Variants in ERC2 observed in about 807,000 individuals in gnomAD.
ERC2 encodes the protein ERC protein 2.
In ERC2, 42 loss-of-function variants were observed where a neutral mutation model predicts 114.8. That is an observed-to-expected ratio of 0.37 (90% CI 0.29 to 0.47). The LOEUF is 0.47. Among genes scored for constraint, ERC2 ranks in the 20% least tolerant of loss-of-function variants. The pLI, the probability that ERC2 is intolerant of heterozygous loss-of-function variation, is 0.99. For missense variants in ERC2, 939 were observed against 1,150.7 expected (o/e 0.82, Z 2.66); for synonymous variants, 454 against 425.5 (o/e 1.07, Z -0.82).
chr3:55,846,615 C>T (rs1470189771), intron 14 of ERC2, among the ~76,000 whole-genome samples: 24 of 152,104 alleles, frequency 1.6e-4, no homozygotes, highest in Admixed American at 1.2e-3. Flanking sequence ...CTCCCACCAA[C>T]AGCGTATAAG....
chr3:56,077,959 G>GTGTTCCATATAAGCAA (rs565873968), intron 7 of ERC2, among the ~76,000 whole-genome samples: 217 of 152,214 alleles, frequency 1.4e-3, no homozygotes, highest in Non-Finnish European at 2.5e-3. Flanking sequence ...TCAGCATACA[G>GTGTTCCATATAAGCAA]TGTTCCATAT....
At chr3:56,097,629 C>T (rs2078135332) in intron 6 of ERC2, among the ~76,000 whole-genome samples, 1 of 152,134 alleles carries the variant, frequency 6.6e-6, no homozygotes, top group Admixed American at 6.5e-5. Flanking sequence ...CTTAACTGCT[C>T]AAAGAGTAAC....
intron 17 of ERC2, among the ~76,000 whole-genome samples, chr3:55,617,634 A>G (rs191772816): frequency 3.0e-4 from 46 of 152,316 alleles, no homozygotes; most frequent in African/African-American, 1.0e-3. Context: ...AGAGCAAAGA[A>G]GGAAAGACTT....
intron 13 of ERC2, 68 bp from the exon 14 acceptor site, chr3:55,888,617 C>A: frequency 6.4e-7 from 1 of 1,573,080 alleles, no homozygotes; most frequent in South Asian, 1.1e-5. Flanking sequence ...CCTTGTTAGC[C>A]TGTGTTCCAA....
chr3:55,953,002 G>A (rs1224784550), intron 12 of ERC2, among the ~76,000 whole-genome samples: 1 of 151,986 alleles, frequency 6.6e-6, no homozygotes, highest in Non-Finnish European at 1.5e-5. Context: ...GACCATCCTG[G>A]CTAACATGGT....
At chr3:55,573,140 T>G (rs1306571846) in intron 17 of ERC2, among the ~76,000 whole-genome samples, 1 of 152,214 alleles carries the variant, frequency 6.6e-6, no homozygotes, top group Non-Finnish European at 1.5e-5. Flanking sequence ...TGGTATGTTA[T>G]GGAATGACAG....
At chr3:55,809,011 T>G (rs1448290519) in intron 14 of ERC2, among the ~76,000 whole-genome samples, 4 of 151,804 alleles carry the variant, frequency 2.6e-5, no homozygotes, top group African/African-American at 4.8e-5. Flanking sequence ...CCTGGTCTGG[T>G]CAAATAGCAG....
intron 17 of ERC2, among the ~76,000 whole-genome samples, chr3:55,591,608 C>T (rs181750164): frequency 2.6e-5 from 4 of 151,562 alleles, no homozygotes; most frequent in East Asian, 1.9e-4. Flanking sequence ...TGTGCGCGCG[C>T]GTGTGGTTTT....
At chr3:56,215,395 A>G (rs1469738676) in intron 3 of ERC2, among the ~76,000 whole-genome samples, 2 of 152,218 alleles carry the variant, frequency 1.3e-5, no homozygotes, top group Non-Finnish European at 2.9e-5. Context: ...AGAGACAAAG[A>G]AGGCCATTAC....
intron 15 of ERC2, among the ~76,000 whole-genome samples, chr3:55,707,111 A>C (rs536617486): frequency 1.3e-5 from 2 of 152,246 alleles, no homozygotes; most frequent in African/African-American, 4.8e-5. Flanking sequence ...TTTCCTGCTA[A>C]AGTCAGGGGA....
chr3:56,139,848 C>G (rs763722140), intron 5 of ERC2, among the ~76,000 whole-genome samples, 172 bp from the exon 6 acceptor site: 3 of 152,138 alleles, frequency 2.0e-5, no homozygotes, highest in Non-Finnish European at 4.4e-5. Flanking sequence ...TCTTTGGGTT[C>G]TGGAGGAAAA....
Position 55,841,885 on chromosome 3 carries a change from T to C in ERC2, c.2564+46504A>G, listed in dbSNP as rs568888609. Among the ~76,000 whole-genome samples the C allele has an allele frequency of 3.3e-5, 5 of 152,282 alleles. 1 individual carries two copies. Among genetic ancestry groups the C allele is most frequent in the Middle Eastern group, 6.8e-3 (2 of 294 alleles). On this transcript the variant is annotated intron_variant, in intron 14 of 17. Transcript: ENST00000288221. ...AGAGCCCAACCTCTTAATTGCTTCA[T>C]TGTACTACATCTCGTCTTGAAAACA...
intron 5 of ERC2, among the ~76,000 whole-genome samples, chr3:56,143,769 C>T (rs541178703): frequency 6.6e-6 from 1 of 152,306 alleles, no homozygotes; most frequent in South Asian, 2.1e-4. Context: ...GAGGTTCTTT[C>T]TTACTCAAGA....
chr3:56,398,031 T>C (rs568810793), intron 2 of ERC2, among the ~76,000 whole-genome samples: 1 of 152,336 alleles, frequency 6.6e-6, no homozygotes, highest in Non-Finnish European at 1.5e-5. Context: ...ATGGGCATAC[T>C]TTGTCACAAA....
rs1191557262 is a variant in ERC2, at chr3:55,650,729, C to T, written c.*39+33065G>A. Among the ~76,000 whole-genome samples, 4 of 152,300 alleles carry T rather than the reference C, an allele frequency of 2.6e-5. No homozygotes were observed. The East Asian group carries it at 5.8e-4, about 22-fold the overall frequency. On this transcript the variant is annotated intron_variant, in intron 17 of 17. Coordinates refer to ENST00000288221, the MANE Select transcript of ERC2 (RefSeq NM_015576.3). Reference sequence around the variant, plus strand: ...AATTCTCTTCCAGAAAAAAAGCCTGCTTACCCCTTCAAAGTCCATGTCAAA... The same window carrying T: ...AATTCTCTTCCAGAAAAAAAGCCTGTTTACCCCTTCAAAGTCCATGTCAAA...
chr3:56,307,326 C>CTT (rs2056286545), intron 2 of ERC2, among the ~76,000 whole-genome samples: 2 of 152,164 alleles, frequency 1.3e-5, no homozygotes, highest in Admixed American at 1.3e-4. Flanking sequence ...TGAATCCTTG[C>CTT]GTCTTATCTC....
At chr3:55,950,176 GGTGA>G (rs1019350210) in intron 13 of ERC2, among the ~76,000 whole-genome samples, 1 of 152,172 alleles carries the variant, frequency 6.6e-6, no homozygotes, top group African/African-American at 2.4e-5. Context: ...TACCTTTTAA[GGTGA>G]GGTACAGGAA....
chr3:55,702,983 G>C (rs1050819988), intron 15 of ERC2, among the ~76,000 whole-genome samples: 2 of 152,148 alleles, frequency 1.3e-5, no homozygotes, highest in African/African-American at 4.8e-5. Flanking sequence ...AGACACCTTT[G>C]CCTTTGGCTA....
intron 15 of ERC2, among the ~76,000 whole-genome samples, chr3:55,734,515 T>C (rs561130784): frequency 6.6e-6 from 1 of 152,166 alleles, no homozygotes; most frequent in Non-Finnish European, 1.5e-5. Context: ...GAGCTATTTC[T>C]GGGGAGATGA....
Sources: allele counts gnomAD v4.1 joint callset (sites outside exome capture counted in the v4.1 genomes callset), GRCh38; gene constraint gnomAD v4.1.1; transcripts MANE v1.5; gene names NCBI Gene and HGNC (gene_info 2026-07-23, HGNC 2026-07-21).